Variants in PRUNE2 observed in about 807,000 individuals in gnomAD.
The protein encoded by PRUNE2 is prune homolog 2 with BCH domain.
In PRUNE2, 164 loss-of-function variants were observed where a neutral mutation model predicts 252.0. The observed-to-expected ratio is 0.65, with a 90% CI of 0.57 to 0.74. The LOEUF (loss-of-function observed/expected upper bound fraction) is 0.74, where lower values mean the gene tolerates loss of function less well. Ranked by LOEUF, PRUNE2 falls within the 30% of genes least tolerant of loss-of-function variation. The pLI, the probability that PRUNE2 is intolerant of heterozygous loss-of-function variation, is 0.00. For missense variants in PRUNE2, 3,495 were observed against 3,711.0 expected, an observed-to-expected ratio of 0.94 and a Z score of 1.51; for synonymous variants, 1,292 against 1,350.2, an observed-to-expected ratio of 0.96 and a Z score of 0.94.
At chr9:76,644,494 C>A in intron 12 of PRUNE2, 1 of 577,434 alleles carries the variant, frequency 1.7e-6, no homozygotes, top group Admixed American at 2.6e-5. Flanking sequence ...ACAAGATGAT[C>A]GCTATCAGAT....
chr9:76,732,377 C>T (rs1260658999), intron 6 of PRUNE2, among the ~76,000 whole-genome samples: 2 of 152,106 alleles, frequency 1.3e-5, no homozygotes, highest in Non-Finnish European at 2.9e-5. Context: ...TGGGGAAAGG[C>T]AATCTTCTCT....
At chr9:76,671,927 A>G (rs142931028) in intron 9 of PRUNE2, among the ~76,000 whole-genome samples, 2,762 of 152,308 alleles carry the variant, frequency 0.018, 75 homozygotes, top group African/African-American at 0.063. Flanking sequence ...AGGAACAACC[A>G]GTAGCAGCCA....
chr9:76,822,456 T>C (rs1202295712), intron 6 of PRUNE2, among the ~76,000 whole-genome samples: 1 of 152,196 alleles, frequency 6.6e-6, no homozygotes, highest in Non-Finnish European at 1.5e-5. Context: ...GACACCAATA[T>C]GAGTGCCTGC....
intron 1 of PRUNE2, among the ~76,000 whole-genome samples, chr9:76,875,694 CAA>C (rs146607663): frequency 0.043 from 6,519 of 152,212 alleles, 445 homozygotes; most frequent in African/African-American, 0.15. Flanking sequence ...TGTGTGAGTC[CAA>C]AGTCTCAAGA....
At position 76,707,554 on chromosome 9, in the gene PRUNE2, CTTGGTT is replaced by C. The variant is rs1564103547; in HGVS notation, c.4714_4719del (p.Asn1572_Gln1573del). ...TGGTGATTCTGTTCACTCCAGTTGC[CTTGGTT>C]TTCTTCTTGATACCCAGAACTGGGT... On this transcript the variant is annotated inframe_deletion, in exon 8 of 19. Transcript: ENST00000376718. The C allele has an allele frequency of 6.2e-7, 1 of 1,613,918 alleles. No individual in the cohort carries two copies. Among genetic ancestry groups the C allele is most frequent in the Non-Finnish European group, 8.5e-7 (1 of 1,179,886 alleles).
At chr9:76,767,687 C>A (rs943826629) in intron 6 of PRUNE2, among the ~76,000 whole-genome samples, 1 of 152,122 alleles carries the variant, frequency 6.6e-6, no homozygotes, top group African/African-American at 2.4e-5. Context: ...CATCTCTTGA[C>A]CCTATTTTGT....
intron 18 of PRUNE2, 64 bp from the exon 19 acceptor site, chr9:76,614,664 T>C: frequency 1.6e-6 from 2 of 1,281,634 alleles, no homozygotes; most frequent in Non-Finnish European, 2.3e-6. Context: ...TAGTAATGAT[T>C]TGGGTAGCAC....
Position 76,708,330 on chromosome 9 carries a change from G to T in PRUNE2, c.3944C>A (p.Pro1315Gln), listed in dbSNP as rs1282416116. The T allele has an allele frequency of 6.2e-7, 1 of 1,613,752 alleles. No homozygotes were observed. The highest frequency in any genetic ancestry group is 2.2e-5 in the East Asian group (1 of 44,840). Reference protein sequence around the residue: ...ENPGYFPHPDPWKGHGDGQSE... With the variant: ...ENPGYFPHPDQWKGHGDGQSE... ...TTGTCCATCGCCATGACCTTTCCAT[G>T]GATCTGGGTGTGGAAAATACCCTGG... is the stretch of plus-strand genomic sequence containing the variant. Residue 1315 changes from proline (P) to glutamine (Q), a missense_variant, in exon 8 of 19, where the codon CCA becomes CAA. Pro to Gln is a moderately conservative substitution (Grantham distance 76, BLOSUM62 -1). Transcript: ENST00000376718.
intron 6 of PRUNE2, among the ~76,000 whole-genome samples, chr9:76,806,499 G>C (rs2056941988): frequency 6.6e-6 from 1 of 150,656 alleles, no homozygotes; most frequent in Non-Finnish European, 1.5e-5. Flanking sequence ...CCATGTGTCA[G>C]GCACCATTCT....
intron 9 of PRUNE2, among the ~76,000 whole-genome samples, chr9:76,697,621 C>T (rs1410197995): frequency 2.6e-5 from 4 of 152,178 alleles, no homozygotes; most frequent in Non-Finnish European, 4.4e-5. Context: ...TGCCTTTCAA[C>T]GAGATAACGG....
intron 9 of PRUNE2, among the ~76,000 whole-genome samples, chr9:76,696,986 G>A (rs116938854): frequency 3.9e-5 from 6 of 152,300 alleles, no homozygotes; most frequent in East Asian, 1.9e-4. Flanking sequence ...CTCCATCTTC[G>A]TAAATACTCT....
chr9:76,848,001 C>G (rs111770053), intron 3 of PRUNE2, among the ~76,000 whole-genome samples: 1 of 152,128 alleles, frequency 6.6e-6, no homozygotes, highest in Admixed American at 6.6e-5. Context: ...TGGTGGCTCA[C>G]GCCTGTAATC....
At chr9:76,837,984 G>C (rs2059147594) in intron 4 of PRUNE2, among the ~76,000 whole-genome samples, 1 of 151,936 alleles carries the variant, frequency 6.6e-6, no homozygotes, top group Admixed American at 6.6e-5. Flanking sequence ...TGTTAGCCAG[G>C]ATGGTCTCGA....
At position 76,638,228 on chromosome 9, in the gene PRUNE2, CT is replaced by C; in HGVS notation, c.8788del (p.Ser2930AlafsTer17). ...GACATAGTGGTAATCCGCCCGACTG[CT>C]GTCTGGCAGAAAACAGGCGGCAAAC... is the stretch of plus-strand genomic sequence containing the variant. ...IVFAACFLPD[S>X]SRADYHYVME... On this transcript the variant is annotated frameshift_variant, in exon 13 of 19. Transcript: ENST00000376718. LOFTEE classifies it high-confidence loss of function. The C allele has an allele frequency of 1.2e-6, 2 of 1,613,774 alleles. No homozygotes were observed. Among genetic ancestry groups the C allele is most frequent in the Non-Finnish European group, 1.7e-6 (2 of 1,179,738 alleles).
intron 4 of PRUNE2, among the ~76,000 whole-genome samples, chr9:76,836,413 G>A (rs2058978607): frequency 6.7e-6 from 1 of 149,478 alleles, no homozygotes; most frequent in African/African-American, 2.5e-5. Context: ...AGGAGAAGGA[G>A]AAAAGAGAGA....
Position 76,662,751 on chromosome 9 carries a change from C to T in PRUNE2, c.8277-7249G>A, listed in dbSNP as rs574561904. On this transcript the variant is annotated intron_variant, in intron 9 of 18. Coordinates refer to ENST00000376718, the MANE Select transcript of PRUNE2 (RefSeq NM_015225.3). ...TAAAAAGTAAAGTAGCAGGTCATGA[C>T]ATGGGGTCCATTGTTCTTTAGAAAA... is the stretch of plus-strand genomic sequence containing the variant. Among the ~76,000 whole-genome samples the T allele has an allele frequency of 4.6e-5, 7 of 152,244 alleles. No individual in the cohort carries two copies. In the East Asian group the frequency reaches 9.6e-4, roughly 21 times the overall value.
chr9:76,624,634 T>C, intron 16 of PRUNE2, 144 bp from the exon 17 acceptor site: 1 of 506,566 alleles, frequency 2.0e-6, no homozygotes, highest in Non-Finnish European at 3.4e-6. Flanking sequence ...TGAGACGTAC[T>C]CCTTCCATTA....
chr9:76,809,923 G>C (rs2057241847), intron 6 of PRUNE2, among the ~76,000 whole-genome samples: 1 of 152,184 alleles, frequency 6.6e-6, no homozygotes, highest in South Asian at 2.1e-4. Context: ...ACATCAACTG[G>C]TCAGATTGGC....
At chr9:76,895,264 G>C (rs1264411939) in intron 1 of PRUNE2, among the ~76,000 whole-genome samples, 1 of 152,032 alleles carries the variant, frequency 6.6e-6, no homozygotes, top group African/African-American at 2.4e-5. Flanking sequence ...GCCTCCTCTG[G>C]AGTCAAGAAC....
Sources: gnomAD v4.1 joint callset for allele counts (sites outside exome capture counted in the v4.1 genomes callset) on GRCh38, gnomAD v4.1.1 for gene constraint, MANE v1.5 for transcripts, NCBI Gene and HGNC (gene_info 2026-07-23, HGNC 2026-07-21) for gene names.